ANKS1B: variants seen among roughly 807,000 people sequenced by gnomAD.
ANKS1B encodes the protein ankyrin repeat and sterile alpha motif domain-containing protein 1B.
Under a neutral mutation model 148.3 loss-of-function variants are expected in ANKS1B, and 36 were observed. The observed-to-expected ratio is 0.24, with a 90% confidence interval of 0.19 to 0.32. The LOEUF is 0.32. Among genes scored for constraint, ANKS1B ranks in the 10% least tolerant of loss-of-function variants. The probability of loss-of-function intolerance (pLI) is 1.00; values close to 1 mark genes in which losing one functional copy is unlikely to be tolerated. For missense variants in ANKS1B, 1,157 were observed against 1,542.6 expected (o/e 0.75, Z 4.19); for synonymous variants, 542 against 560.8 (o/e 0.97, Z 0.47).
intron 1 of ANKS1B, among the ~76,000 whole-genome samples, chr12:99,968,223 G>A (rs2095511806): frequency 6.6e-6 from 1 of 152,144 alleles, no homozygotes; most frequent in South Asian, 2.1e-4. Flanking sequence ...AGTTAAAAAC[G>A]ACAGGCTTAG....
chr12:99,301,805 A>C (rs957506165), intron 12 of ANKS1B, among the ~76,000 whole-genome samples: 2 of 152,194 alleles, frequency 1.3e-5, no homozygotes, highest in East Asian at 3.9e-4. Flanking sequence ...ACTTGTATAA[A>C]AAAGTACACA....
chr12:99,394,144 T>A (rs529405113), intron 12 of ANKS1B, among the ~76,000 whole-genome samples: 4 of 152,278 alleles, frequency 2.6e-5, no homozygotes, highest in Non-Finnish European at 5.9e-5. Context: ...CACACTGTTC[T>A]CTCTTTCCTC....
At chr12:99,713,615 A>T (rs2056923270) in intron 8 of ANKS1B, among the ~76,000 whole-genome samples, 1 of 152,148 alleles carries the variant, frequency 6.6e-6, no homozygotes, top group Non-Finnish European at 1.5e-5. Context: ...AATAACAAAG[A>T]ACCCTTAATT....
intron 14 of ANKS1B, among the ~76,000 whole-genome samples, chr12:99,200,552 G>A (rs2081955401): frequency 6.6e-6 from 1 of 152,156 alleles, no homozygotes; most frequent in Non-Finnish European, 1.5e-5. Flanking sequence ...TAAATTTTAT[G>A]AGTGTCTATT....
intron 9 of ANKS1B, among the ~76,000 whole-genome samples, chr12:99,578,041 TC>T (rs1476313675): frequency 6.6e-6 from 1 of 152,086 alleles, no homozygotes; most frequent in East Asian, 1.9e-4. Context: ...TAGGCTTCAT[TC>T]CTGGGATGCA....
chr12:99,533,368 T>A (rs2097023629), intron 9 of ANKS1B, among the ~76,000 whole-genome samples: 1 of 152,194 alleles, frequency 6.6e-6, no homozygotes, highest in Non-Finnish European at 1.5e-5. Context: ...TGCTACTGAT[T>A]AGTGTTTATG....
chr12:99,196,830 G>T (rs2081442495), intron 14 of ANKS1B, among the ~76,000 whole-genome samples: 1 of 151,946 alleles, frequency 6.6e-6, no homozygotes, highest in Non-Finnish European at 1.5e-5. Context: ...ACAACTTTGG[G>T]TCCAGGGATT....
chr12:99,636,265 T>C (rs1013584217), intron 9 of ANKS1B, among the ~76,000 whole-genome samples: 13 of 152,190 alleles, frequency 8.5e-5, no homozygotes, highest in Admixed American at 2.6e-4. Flanking sequence ...TAGTAAATAC[T>C]AAATCATTGC....
At chr12:99,162,087 A>G (rs544448210) in intron 14 of ANKS1B, among the ~76,000 whole-genome samples, 1 of 152,334 alleles carries the variant, frequency 6.6e-6, no homozygotes, top group African/African-American at 2.4e-5. Context: ...AAGACCATAT[A>G]TTGTATAATT....
chr12:99,096,877 G>T (rs2056352520), intron 15 of ANKS1B: 1 of 152,168 alleles, frequency 6.6e-6, no homozygotes, highest in African/African-American at 2.4e-5. Context: ...AAAGCATCAT[G>T]AAGTCCCTCA....
intron 2 of ANKS1B, among the ~76,000 whole-genome samples, chr12:99,821,789 T>C (rs7971435): frequency 6.6e-6 from 1 of 152,006 alleles, no homozygotes; most frequent in Non-Finnish European, 1.5e-5. Context: ...ATAATTCAGA[T>C]AGCCAAGAAG....
chr12:98,895,546 C>T (rs2099763165), intron 17 of ANKS1B, among the ~76,000 whole-genome samples: 1 of 152,216 alleles, frequency 6.6e-6, no homozygotes, highest in South Asian at 2.1e-4. Flanking sequence ...CAAGCGACTT[C>T]GTGTTTACCT....
intron 2 of ANKS1B, among the ~76,000 whole-genome samples, chr12:99,820,042 A>G (rs1327126062): frequency 6.6e-6 from 1 of 151,816 alleles, no homozygotes; most frequent in Non-Finnish European, 1.5e-5. Flanking sequence ...AAAAAGAGAA[A>G]AAGATACAAA....
At chr12:99,318,024 C>T (rs1191014285) in intron 12 of ANKS1B, among the ~76,000 whole-genome samples, 4 of 152,258 alleles carry the variant, frequency 2.6e-5, no homozygotes, top group East Asian at 3.9e-4. Flanking sequence ...CCCACTTGAT[C>T]GTGGTGGATA....
intron 16 of ANKS1B, among the ~76,000 whole-genome samples, chr12:99,053,875 C>T (rs1470068091): frequency 6.6e-6 from 1 of 152,134 alleles, no homozygotes; most frequent in Non-Finnish European, 1.5e-5. Flanking sequence ...TGTTCTGCAT[C>T]GACTCTACAG....
At chr12:99,547,789 G>A (rs937252665) in intron 9 of ANKS1B, among the ~76,000 whole-genome samples, 1 of 152,052 alleles carries the variant, frequency 6.6e-6, no homozygotes, top group Admixed American at 6.6e-5. Context: ...AAAACATCAG[G>A]TATGTTTTAT....
chr12:99,551,182 T>A (rs1331666745), intron 9 of ANKS1B, among the ~76,000 whole-genome samples: 1 of 152,184 alleles, frequency 6.6e-6, no homozygotes, highest in African/African-American at 2.4e-5. Flanking sequence ...GAGTCTCTGA[T>A]GAATTATCTA....
intron 17 of ANKS1B, among the ~76,000 whole-genome samples, chr12:98,914,504 A>G (rs200791): frequency 0.19 from 28,524 of 152,056 alleles, 3,173 homozygotes; most frequent in African/African-American, 0.3. Context: ...GTAAAAGCCA[A>G]AGAAAGTCCT....
intron 9 of ANKS1B, among the ~76,000 whole-genome samples, chr12:99,613,257 A>T (rs1215742664): frequency 2.0e-5 from 3 of 152,182 alleles, no homozygotes; most frequent in Non-Finnish European, 4.4e-5. Flanking sequence ...TGTTAGTAGC[A>T]GTGTAAATTA....
Sources: allele counts gnomAD v4.1 joint callset (sites outside exome capture counted in the v4.1 genomes callset), GRCh38; gene constraint gnomAD v4.1.1; transcripts MANE v1.5; gene names NCBI Gene and HGNC (gene_info 2026-07-23, HGNC 2026-07-21).